The following FHOD3 variants were observed in gnomAD, a reference collection of about 807,000 sequenced individuals.
FHOD3 encodes FH1/FH2 domain-containing protein 3.
A neutral mutation model predicts 173.0 loss-of-function variants in FHOD3; 90 were observed. The observed-to-expected ratio is 0.52, with a 90% confidence interval of 0.44 to 0.62. The LOEUF is 0.62. Among genes scored for constraint, FHOD3 ranks in the 20% least tolerant of loss-of-function variants. The pLI, the probability that FHOD3 is intolerant of heterozygous loss-of-function variation, is 0.00. For missense variants in FHOD3, 1,945 were observed against 2,034.7 expected (o/e 0.96, Z 0.85); for synonymous variants, 828 against 823.0 (o/e 1.01, Z -0.10).
At chr18:36,643,922 T>C (rs1359927330) in intron 10 of FHOD3, among the ~76,000 whole-genome samples, 5 of 152,208 alleles carry the variant, frequency 3.3e-5, no homozygotes, top group African/African-American at 4.8e-5. Flanking sequence ...TGAATGTTTG[T>C]ATCGTGTTTC....
chr18:36,720,333 G>A (rs556176196), intron 19 of FHOD3, among the ~76,000 whole-genome samples: 131 of 150,864 alleles, frequency 8.7e-4, no homozygotes, highest in African/African-American at 3.1e-3. Context: ...CACCTCCCGG[G>A]TTCAAGAGAT....
intron 1 of FHOD3, among the ~76,000 whole-genome samples, chr18:36,335,528 AT>A (rs1249100096): frequency 1.3e-5 from 2 of 152,058 alleles, no homozygotes; most frequent in African/African-American, 4.8e-5. Context: ...AAATCTCATA[AT>A]GTTTTAAGAA....
intron 3 of FHOD3, among the ~76,000 whole-genome samples, chr18:36,380,557 C>G (rs752697801): frequency 5.0e-4 from 34 of 68,354 alleles, no homozygotes; most frequent in East Asian, 2.1e-3. Context: ...CTTTTGTTTT[C>G]TTTTCTTTTC....
intron 5 of FHOD3, among the ~76,000 whole-genome samples, chr18:36,528,723 TA>T (rs1427742113): frequency 6.6e-6 from 1 of 152,240 alleles, no homozygotes; most frequent in Non-Finnish European, 1.5e-5. Context: ...CTTTGTTAAT[TA>T]ATCTTCTTAT....
At chr18:36,677,891 G>T (rs1234031796) in intron 14 of FHOD3, among the ~76,000 whole-genome samples, 1 of 152,010 alleles carries the variant, frequency 6.6e-6, no homozygotes, top group Non-Finnish European at 1.5e-5. Context: ...TTTCATTTGG[G>T]TCTTTTAATA....
chr18:36,524,159 A>G (rs1233157278), intron 5 of FHOD3, among the ~76,000 whole-genome samples: 1 of 151,898 alleles, frequency 6.6e-6, no homozygotes, highest in Non-Finnish European at 1.5e-5. Context: ...GTGCATGCCT[A>G]TAATCCCAGT....
chr18:36,421,769 C>T (rs1335051026), intron 3 of FHOD3, among the ~76,000 whole-genome samples: 1 of 152,070 alleles, frequency 6.6e-6, no homozygotes, highest in East Asian at 1.9e-4. Context: ...GATCACATGC[C>T]GGTTCTAGGG....
chr18:36,372,088 T>C (rs2047221284), intron 2 of FHOD3, among the ~76,000 whole-genome samples: 1 of 152,174 alleles, frequency 6.6e-6, no homozygotes, highest in Non-Finnish European at 1.5e-5. Flanking sequence ...TCATGAGAAA[T>C]GCAGTGAGAA....
chr18:36,365,070 A>G (rs956689161), intron 2 of FHOD3, among the ~76,000 whole-genome samples: 3 of 152,290 alleles, frequency 2.0e-5, no homozygotes, highest in Admixed American at 6.5e-5. Context: ...CAAGATGTCA[A>G]GGACCTCATA....
intron 7 of FHOD3, among the ~76,000 whole-genome samples, chr18:36,598,371 T>C (rs1022084260): frequency 2.6e-5 from 4 of 152,110 alleles, no homozygotes; most frequent in Non-Finnish European, 5.9e-5. Context: ...ACAAATTCCT[T>C]TGGTTGCATT....
chr18:36,689,481 A>G (rs1172834976), intron 16 of FHOD3, among the ~76,000 whole-genome samples: 1 of 152,342 alleles, frequency 6.6e-6, no homozygotes, highest in East Asian at 1.9e-4. Context: ...ATTATTTCAT[A>G]TCATCTCACT....
chr18:36,755,576 A>G (rs1056080464), intron 25 of FHOD3, among the ~76,000 whole-genome samples: 4 of 152,096 alleles, frequency 2.6e-5, no homozygotes, highest in African/African-American at 9.7e-5. Flanking sequence ...GGTGTGTTGC[A>G]TGTTGCTGAT....
chr18:36,419,641 G>A (rs1368438852), intron 3 of FHOD3, among the ~76,000 whole-genome samples: 2 of 152,200 alleles, frequency 1.3e-5, no homozygotes, highest in Non-Finnish European at 2.9e-5. Flanking sequence ...CTGACACTGG[G>A]TTGGGACTAA....
At chr18:36,470,710 G>C (rs1373318519) in intron 3 of FHOD3, among the ~76,000 whole-genome samples, 1 of 152,200 alleles carries the variant, frequency 6.6e-6, no homozygotes, top group Non-Finnish European at 1.5e-5. Flanking sequence ...TGCCTCTGGG[G>C]GGCAAAAAGC....
chr18:36,749,388 T>C (rs141484190), intron 24 of FHOD3, among the ~76,000 whole-genome samples: 2,427 of 152,312 alleles, frequency 0.016, 57 homozygotes, highest in African/African-American at 0.055. Flanking sequence ...GTTCATAAGT[T>C]CTCATCATTT....
intron 19 of FHOD3, among the ~76,000 whole-genome samples, chr18:36,723,408 T>C (rs1332839351): frequency 6.6e-6 from 1 of 152,170 alleles, no homozygotes; most frequent in Non-Finnish European, 1.5e-5. Context: ...GCGGTTTGCC[T>C]TAATACTTTC....
intron 3 of FHOD3, among the ~76,000 whole-genome samples, chr18:36,481,324 C>T (rs1352082752): frequency 2.6e-5 from 4 of 152,206 alleles, no homozygotes; most frequent in Non-Finnish European, 5.9e-5. Context: ...CAAAACTCTC[C>T]CTAAGACTGC....
chr18:36,726,701 G>T (rs952346156), intron 19 of FHOD3, among the ~76,000 whole-genome samples: 2 of 151,808 alleles, frequency 1.3e-5, no homozygotes, highest in African/African-American at 4.8e-5. Flanking sequence ...TTGAGATGGA[G>T]TCTCACTCTG....
chr18:36,555,464 C>T (rs1331504752), intron 5 of FHOD3, among the ~76,000 whole-genome samples: 5 of 151,018 alleles, frequency 3.3e-5, no homozygotes, highest in Non-Finnish European at 7.4e-5. Flanking sequence ...GGGTCAGAAT[C>T]TGGTCTGTCC....
Sources: gnomAD v4.1 joint callset for allele counts (sites outside exome capture counted in the v4.1 genomes callset) on GRCh38, gnomAD v4.1.1 for gene constraint, MANE v1.5 for transcripts, NCBI Gene and HGNC (gene_info 2026-07-23, HGNC 2026-07-21) for gene names.